WWP2: variants seen among roughly 807,000 people sequenced by gnomAD.
WWP2 encodes the protein NEDD4-like E3 ubiquitin-protein ligase WWP2.
A neutral mutation model predicts 121.0 loss-of-function variants in WWP2; 57 were observed. The observed-to-expected ratio is 0.47, with a 90% CI of 0.38 to 0.59. The LOEUF (loss-of-function observed/expected upper bound fraction) is 0.59, where lower values mean the gene tolerates loss of function less well. WWP2 is among the 20% of genes least tolerant of loss of function. WWP2 has a pLI of 0.00. For missense variants in WWP2, 962 were observed against 1,158.9 expected, an observed-to-expected ratio of 0.83 and a Z score of 2.47; for synonymous variants, 449 against 441.3, an observed-to-expected ratio of 1.02 and a Z score of -0.22.
intron 6 of WWP2, among the ~76,000 whole-genome samples, chr16:69,845,400 C>A (rs1328195351): frequency 1.3e-5 from 2 of 152,074 alleles, no homozygotes; most frequent in Non-Finnish European, 2.9e-5. Flanking sequence ...AAGGGCAGTC[C>A]TTTGCTGTCC....
chr16:69,887,260 C>T (rs2057941904), intron 7 of WWP2, among the ~76,000 whole-genome samples: 1 of 152,176 alleles, frequency 6.6e-6, no homozygotes, highest in Non-Finnish European at 1.5e-5. Context: ...CAAGAATGAG[C>T]ACATTACTGG....
At chr16:69,766,136 C>T (rs2038724211) in intron 1 of WWP2, among the ~76,000 whole-genome samples, 1 of 152,144 alleles carries the variant, frequency 6.6e-6, no homozygotes, top group African/African-American at 2.4e-5. Context: ...GCCCCTCAGA[C>T]AGCCTTCCCC....
At chr16:69,932,027 G>A in intron 16 of WWP2, 137 bp downstream of exon 16, 1 of 888,814 alleles carries the variant, frequency 1.1e-6, no homozygotes, top group Non-Finnish European at 1.7e-6. Flanking sequence ...GGCACAGTGT[G>A]GCATTCAAAA....
intron 9 of WWP2, among the ~76,000 whole-genome samples, chr16:69,914,480 G>A (rs560504524): frequency 5.9e-5 from 9 of 152,216 alleles, no homozygotes; most frequent in South Asian, 2.1e-4. Flanking sequence ...ATTTCCTGCC[G>A]GGCACAGTGG....
chr16:69,887,143 G>C (rs1361994530), intron 7 of WWP2, among the ~76,000 whole-genome samples: 1 of 152,202 alleles, frequency 6.6e-6, no homozygotes, highest in Non-Finnish European at 1.5e-5. Flanking sequence ...GAAATAGGGA[G>C]ACTTGGGGAC....
At chr16:69,867,720 A>G (rs886375792) in intron 6 of WWP2, among the ~76,000 whole-genome samples, 10 of 152,248 alleles carry the variant, frequency 6.6e-5, no homozygotes, top group African/African-American at 2.4e-4. Flanking sequence ...GGCGAGCTAC[A>G]AAGAGAGCTG....
intron 4 of WWP2, among the ~76,000 whole-genome samples, chr16:69,808,085 T>A (rs572508051): frequency 2.6e-5 from 4 of 152,346 alleles, no homozygotes; most frequent in South Asian, 4.1e-4. Context: ...TTTCCCATTG[T>A]CCCTTCTAGT....
chr16:69,767,832 T>G (rs979935576), intron 1 of WWP2, among the ~76,000 whole-genome samples: 1 of 152,188 alleles, frequency 6.6e-6, no homozygotes, highest in Admixed American at 6.6e-5. Context: ...TTTCTTTTCT[T>G]TCTTCTTTAT....
chr16:69,860,551 T>G (rs1423788949), intron 6 of WWP2, among the ~76,000 whole-genome samples: 1 of 152,162 alleles, frequency 6.6e-6, no homozygotes, highest in Non-Finnish European at 1.5e-5. Context: ...GGGTGGAAAG[T>G]CCAGGAAGAG....
chr16:69,850,152 C>G (rs6499261), intron 6 of WWP2, among the ~76,000 whole-genome samples: 6,486 of 152,046 alleles, frequency 0.043, 486 homozygotes, highest in African/African-American at 0.15. Context: ...TTTGGGAGGC[C>G]AAGGTGGGCA....
In WWP2 at chr16:69,937,569, G is replaced by C. The variant is rs1334898662; in HGVS notation, c.2260G>C (p.Glu754Gln). The change falls in exon 21 of 24, where the codon GAG becomes CAG. Residue 754 changes from glutamate (E) to glutamine (Q), a missense_variant. Physicochemically the swap from Glu to Gln is conservative, Grantham distance 29 (BLOSUM62 2). Transcript: ENST00000359154. The surrounding 1 kb of genome is among the most constrained non-coding windows in gnomAD (Gnocchi z 6.6). ...ELELMLCGMQ[E>Q]IDMSDWQKST... ...CCAGCTGATGCTGTGCGGCATGCAG[G>C]AGATAGACATGAGCGACTGGCAGAA... 1 of 1,613,904 alleles carries C rather than the reference G, an allele frequency of 6.2e-7. No individual in the cohort carries two copies. Among genetic ancestry groups the C allele is most frequent in the African/African-American group, 1.3e-5 (1 of 74,912 alleles).
rs891248083 is a variant in WWP2 at position 69,799,524 on chromosome 16, G to T, written c.340+229G>T. ...TAGTAATGTGATGCAGTGGTGTGTTGCCCTTTATCCTTCCTTAGGGACTGG... is the reference window on the plus strand; with the variant it reads ...TAGTAATGTGATGCAGTGGTGTGTTTCCCTTTATCCTTCCTTAGGGACTGG... On this transcript the variant is annotated intron_variant, in intron 4 of 23. Transcript: ENST00000359154. This position sits in a 1 kb window ranked among gnomAD's most constrained non-coding sequence, Gnocchi z 4.5. The T allele has an allele frequency of 2.2e-5, 10 of 459,906 alleles. No individual in the cohort carries two copies. Among genetic ancestry groups the T allele is most frequent in the African/African-American group, 4.0e-5 (2 of 50,194 alleles). The allele number at this position is 459,906 out of a possible 1,614,324, so 28.5% of individuals were successfully genotyped here.
At chr16:69,930,729 C>T (rs555471276) in intron 13 of WWP2, among the ~76,000 whole-genome samples, 4 of 151,950 alleles carry the variant, frequency 2.6e-5, no homozygotes, top group Admixed American at 6.6e-5. Flanking sequence ...AAAATTAGCT[C>T]GGTGTGGTAG....
Position 69,872,912 on chromosome 16 carries a change from G to GA in WWP2, c.703+987dup, listed in dbSNP as rs2057667683. ...TCAGGACAGAGTCAAAAAGGAAAAA[G>GA]AAAAAACAAACCCATTCATTTCTAT... On this transcript the variant is annotated intron_variant, in intron 7 of 23. Coordinates refer to ENST00000359154, the MANE Select transcript of WWP2 (RefSeq NM_001270454.2). Among the ~76,000 whole-genome samples the GA allele has an allele frequency of 2.0e-5, 3 of 152,288 alleles. No homozygotes were observed. In the South Asian group the frequency reaches 6.2e-4, roughly 32 times the overall value.
chr16:69,847,685 G>T (rs1320211174), intron 6 of WWP2, among the ~76,000 whole-genome samples: 1 of 151,978 alleles, frequency 6.6e-6, no homozygotes, highest in South Asian at 2.1e-4. Context: ...TGGGATTACA[G>T]CTGTGAGCCA....
intron 8 of WWP2, among the ~76,000 whole-genome samples, chr16:69,895,909 T>C (rs1235281730): frequency 6.6e-6 from 1 of 152,216 alleles, no homozygotes; most frequent in African/African-American, 2.4e-5. Flanking sequence ...CCAGTTTGTT[T>C]CTTTGCTTAG....
intron 4 of WWP2, among the ~76,000 whole-genome samples, chr16:69,817,402 C>T (rs1292590692): frequency 1.3e-5 from 2 of 152,062 alleles, no homozygotes; most frequent in Non-Finnish European, 2.9e-5. Context: ...ATGTGCACCA[C>T]CATGCTCAGC....
intron 4 of WWP2, among the ~76,000 whole-genome samples, chr16:69,835,696 A>C (rs959044258): frequency 6.6e-6 from 1 of 152,112 alleles, no homozygotes; most frequent in South Asian, 2.1e-4. Flanking sequence ...AATCCCCAAA[A>C]CTTCACCCTA....
At chr16:69,932,206 G>A (rs1403494609) in intron 16 of WWP2, among the ~76,000 whole-genome samples, 1 of 152,258 alleles carries the variant, frequency 6.6e-6, no homozygotes, top group African/African-American at 2.4e-5. Context: ...GTGCATGCCT[G>A]TAATCCCAGC....
Sources: allele counts gnomAD v4.1 joint callset (sites outside exome capture counted in the v4.1 genomes callset), GRCh38; gene constraint gnomAD v4.1.1; non-coding constraint Gnocchi (gnomAD v3.1); transcripts MANE v1.5; gene names NCBI Gene and HGNC (gene_info 2026-07-23, HGNC 2026-07-21).